The following RBM26 variants were observed in gnomAD, a reference collection of about 807,000 sequenced individuals.
RBM26 encodes RNA-binding protein 26.
In RBM26, 30 loss-of-function variants were observed where a neutral mutation model predicts 123.6. The ratio of observed to expected loss-of-function variants is 0.24; its 90% CI spans 0.18 to 0.33. The LOEUF (loss-of-function observed/expected upper bound fraction) is 0.33, where lower values mean the gene tolerates loss of function less well. Ranked by LOEUF, RBM26 falls within the 10% of genes least tolerant of loss-of-function variation. The pLI is 1.00. For synonymous variants in RBM26, 400 were observed against 404.4 expected (o/e 0.99, Z 0.13); for missense variants, 947 against 1,203.6 (o/e 0.79, Z 3.15).
At chr13:79,337,673 T>A (rs922758452) in intron 18 of RBM26, among the ~76,000 whole-genome samples, 1 of 152,206 alleles carries the variant, frequency 6.6e-6, no homozygotes, top group East Asian at 1.9e-4. Flanking sequence ...TCACAATAAA[T>A]ACATTTTTTC....
At chr13:79,316,192 G>GGTGTGTGT (rs3064578), downstream of RBM26, among the ~76,000 whole-genome samples, 3,970 of 142,036 alleles carry the variant, frequency 0.028, 74 homozygotes, top group South Asian at 0.065. Context: ...AAGTGGGGCA[G>GGTGTGTGT]GTGTGTGTGT....
intron 19 of RBM26, among the ~76,000 whole-genome samples, chr13:79,335,773 G>T (rs2070259329): frequency 6.6e-6 from 1 of 152,034 alleles, no homozygotes; most frequent in South Asian, 2.1e-4. Context: ...AACTCACTTT[G>T]TCTGTTTGGA....
At chr13:79,313,950 T>C (rs115251852), downstream of RBM26, 324 of 151,494 alleles carry the variant, frequency 2.1e-3, no homozygotes, top group African/African-American at 7.4e-3. Context: ...TCAGTGTCAA[T>C]TGGACTTTTC....
chr13:79,365,485 A>T (rs1159084812), intron 9 of RBM26, 93 bp downstream of exon 9: 3 of 975,088 alleles, frequency 3.1e-6, no homozygotes, highest in African/African-American at 3.3e-5. Context: ...TCCTTATCCA[A>T]CCCCAATAAA....
At position 79,322,474 on chromosome 13, in the gene RBM26, A is replaced by T; in HGVS notation, c.2821-12T>A. 6.6e-7 allele frequency: 1 copy of T among 1,517,354 alleles called. No individual in the cohort carries two copies. The highest frequency in any genetic ancestry group is 8.8e-7 in the Non-Finnish European group (1 of 1,131,792). 94.0% of individuals were successfully genotyped at this position (1,517,354 alleles called of 1,614,324 possible). A position where few individuals can be genotyped will look rare whatever the true frequency, so the allele number is the denominator to read the frequency against. On this transcript the variant is annotated splice_polypyrimidine_tract_variant and intron_variant, in intron 20 of 21. Transcript: ENST00000438737. ...CCATGAACTGCAGCCTAAAATGATT[A>T]AAAATATTGGAATATAAGACATTAA...
intron 9 of RBM26, among the ~76,000 whole-genome samples, chr13:79,361,640 T>A (rs2074697456): frequency 6.6e-6 from 1 of 152,162 alleles, no homozygotes; most frequent in African/African-American, 2.4e-5. Context: ...GTTGATCATC[T>A]TCTTTTCCAT....
At position 79,392,101 on chromosome 13, in the gene RBM26, TATACA is replaced by T. The variant is rs1452908280; in HGVS notation, c.72-13199_72-13195del. Among the ~76,000 whole-genome samples the T allele has an allele frequency of 5.9e-4, 80 of 134,708 alleles. 1 individual carries two copies. The highest frequency in any genetic ancestry group is 9.4e-4 in the Non-Finnish European group (59 of 63,020). The allele number at this position is 134,708 out of a possible 152,430, so 88.4% of individuals were successfully genotyped here. A position where few individuals can be genotyped will look rare whatever the true frequency, so the allele number is the denominator to read the frequency against. ...AATACATAATTATATAATAATGTATTATACAATACATAATTATATAATTATATATT... is the reference window on the plus strand; with the variant it reads ...AATACATAATTATATAATAATGTATTATACATAATTATATAATTATATATT... On this transcript the variant is annotated intron_variant, in intron 1 of 21. Coordinates refer to ENST00000438737, the MANE Select transcript of RBM26 (RefSeq NM_001366735.2).
At chr13:79,394,186 T>A (rs1037194266) in intron 1 of RBM26, among the ~76,000 whole-genome samples, 5 of 152,226 alleles carry the variant, frequency 3.3e-5, no homozygotes, top group Non-Finnish European at 5.9e-5. Context: ...TAACTGGAAC[T>A]GCCGCTCTGC....
At chr13:79,365,934 C>T (rs995116074) in intron 8 of RBM26, 121 bp downstream of exon 8, 3 of 1,053,578 alleles carry the variant, frequency 2.8e-6, no homozygotes, top group Non-Finnish European at 4.1e-6. Flanking sequence ...TGTTCATTCA[C>T]CACGGCTACA....
intron 10 of RBM26, 51 bp from the exon 11 acceptor site, chr13:79,358,484 C>A: frequency 7.3e-7 from 1 of 1,378,976 alleles, no homozygotes; most frequent in South Asian, 1.3e-5. Context: ...CTGACCCTAA[C>A]CAAATACAAG....
chr13:79,391,109 A>G (rs915072707), intron 1 of RBM26, among the ~76,000 whole-genome samples: 14 of 152,222 alleles, frequency 9.2e-5, no homozygotes, highest in Non-Finnish European at 1.5e-4. Context: ...TTTAAAAATA[A>G]GATCATAAAG....
At chr13:79,373,384 T>A (rs187911206) in intron 3 of RBM26, among the ~76,000 whole-genome samples, 5 of 94,268 alleles carry the variant, frequency 5.3e-5, no homozygotes, top group African/African-American at 2.2e-4. Context: ...ATATTATATA[T>A]AAATATATAT....
chr13:79,316,808 A>G (rs2067189856), downstream of RBM26, among the ~76,000 whole-genome samples: 1 of 151,786 alleles, frequency 6.6e-6, no homozygotes, highest in Non-Finnish European at 1.5e-5. Context: ...CCAGTAATAC[A>G]CAACGTTCCT....
chr13:79,404,630 T>A (rs1032261850), intron 1 of RBM26, among the ~76,000 whole-genome samples: 1 of 152,180 alleles, frequency 6.6e-6, no homozygotes, highest in East Asian at 1.9e-4. Flanking sequence ...TCACTTCTGC[T>A]ACAGGGCCTT....
At chr13:79,393,939 G>C (rs574839616) in intron 1 of RBM26, among the ~76,000 whole-genome samples, 1 of 152,134 alleles carries the variant, frequency 6.6e-6, no homozygotes, top group Non-Finnish European at 1.5e-5. Context: ...CTTTGTGCAC[G>C]TGCTGGACTG....
chr13:79,353,825 G>C (rs2073612931), intron 13 of RBM26, among the ~76,000 whole-genome samples: 1 of 152,066 alleles, frequency 6.6e-6, no homozygotes, highest in South Asian at 2.1e-4. Context: ...GGGAGACAAA[G>C]GAAAGCTAAG....
rs1364531076 is a variant in RBM26, at chr13:79,405,984, T to G, written c.-210A>C. On this transcript the variant is annotated 5_prime_UTR_variant, in exon 1 of 22. Transcript: ENST00000438737. ...TGCACGGGGTGCCAGGAGCTCCCCG[T>G]CCCCGGCCCCCAGCCCGGGCTGAAA... 5.1e-5 allele frequency: 16 copies of G among 314,340 alleles called. No homozygotes were observed. Among genetic ancestry groups the G allele is most frequent in the Non-Finnish European group, 6.3e-5 (11 of 174,548 alleles). The allele number at this position is 314,340 out of a possible 1,614,324, so 19.5% of individuals were successfully genotyped here.
intron 3 of RBM26, among the ~76,000 whole-genome samples, chr13:79,373,436 T>A (rs1390349040): frequency 4.9e-4 from 1 of 2,044 alleles, no homozygotes; most frequent in African/African-American, 2.8e-3. Context: ...TATAAATATA[T>A]ATTATATATT....
intron 3 of RBM26, among the ~76,000 whole-genome samples, chr13:79,373,377 TTA>T (rs1288213720): frequency 3.0e-5 from 3 of 99,690 alleles, no homozygotes; most frequent in African/African-American, 4.1e-5. Context: ...ATAATATATA[TTA>T]TATATAAATA....
Sources: allele counts gnomAD v4.1 joint callset (sites outside exome capture counted in the v4.1 genomes callset), GRCh38; gene constraint gnomAD v4.1.1; transcripts MANE v1.5; gene names NCBI Gene and HGNC (gene_info 2026-07-23, HGNC 2026-07-21).